SNX29: variants seen among roughly 807,000 people sequenced by gnomAD.
SNX29 encodes the protein sorting nexin 29.
SNX29 carries 78 observed loss-of-function variants against 102.1 expected under a neutral mutation model. The observed-to-expected ratio is 0.76, with a 90% CI of 0.64 to 0.92. SNX29 has a LOEUF of 0.92. Among genes scored for constraint, SNX29 ranks in the 40% least tolerant of loss-of-function variants. The probability of loss-of-function intolerance (pLI) is 0.00; values close to 1 mark genes in which losing one functional copy is unlikely to be tolerated. For missense variants in SNX29, 1,280 were observed against 1,061.7 expected, an observed-to-expected ratio of 1.21 and a Z score of -2.86; for synonymous variants, 580 against 414.5, an observed-to-expected ratio of 1.40 and a Z score of -4.85.
chr16:12,420,321 G>C (rs569265544), intron 18 of SNX29, among the ~76,000 whole-genome samples: 9 of 152,350 alleles, frequency 5.9e-5, no homozygotes, highest in African/African-American at 2.2e-4. Flanking sequence ...CAGAATCGAA[G>C]ACACCGTCAA....
At chr16:12,193,410 A>G (rs1344394544) in intron 13 of SNX29, among the ~76,000 whole-genome samples, 2 of 150,698 alleles carry the variant, frequency 1.3e-5, no homozygotes, top group African/African-American at 4.8e-5. Context: ...TGAAGGTTGT[A>G]GTGAGCCGAG....
chr16:12,565,043 G>A (rs887574257), intron 20 of SNX29, among the ~76,000 whole-genome samples: 1 of 152,128 alleles, frequency 6.6e-6, no homozygotes, highest in East Asian at 1.9e-4. Context: ...CCTGGCACTG[G>A]CTTCATTCCC....
intron 20 of SNX29, among the ~76,000 whole-genome samples, chr16:12,556,132 A>G (rs931729166): frequency 1.2e-4 from 19 of 152,160 alleles, no homozygotes; most frequent in African/African-American, 4.6e-4. Flanking sequence ...ATGTTCTCAA[A>G]GTGATGGTTG....
intron 19 of SNX29, among the ~76,000 whole-genome samples, chr16:12,513,731 T>G (rs1461216688): frequency 1.3e-5 from 2 of 152,176 alleles, no homozygotes; most frequent in Non-Finnish European, 2.9e-5. Flanking sequence ...AATTGTATTA[T>G]TTTCCCCAAA....
intron 15 of SNX29, among the ~76,000 whole-genome samples, chr16:12,298,131 C>G (rs189940104): frequency 1.3e-5 from 2 of 152,318 alleles, no homozygotes; most frequent in African/African-American, 4.8e-5. Flanking sequence ...GATTGTGCCA[C>G]TGCACTCCAG....
chr16:12,109,471 G>C (rs538757208), intron 11 of SNX29, among the ~76,000 whole-genome samples: 1 of 152,176 alleles, frequency 6.6e-6, no homozygotes, highest in Non-Finnish European at 1.5e-5. Flanking sequence ...AAGGCCCCAC[G>C]TCTCAGTACT....
At chr16:12,045,918 C>G (rs2151193032) in intron 5 of SNX29, among the ~76,000 whole-genome samples, 1 of 152,166 alleles carries the variant, frequency 6.6e-6, no homozygotes, top group African/African-American at 2.4e-5. Context: ...GCCACCGTGC[C>G]TGGCCAAGGC....
chr16:12,475,661 A>ATT (rs2087558424), intron 18 of SNX29, among the ~76,000 whole-genome samples: 1 of 152,266 alleles, frequency 6.6e-6, no homozygotes, highest in Non-Finnish European at 1.5e-5. Context: ...CATCTAACAC[A>ATT]AAGCCTATTC....
At chr16:12,545,512 CAGAGTG>C in intron 20 of SNX29, 1 of 152,338 alleles carries the variant, frequency 6.6e-6, no homozygotes, top group Non-Finnish European at 1.5e-5. Context: ...TGTGTCCTGT[CAGAGTG>C]GGTGACCAGG....
intron 18 of SNX29, among the ~76,000 whole-genome samples, chr16:12,461,610 T>G (rs1432435708): frequency 1.3e-5 from 2 of 152,118 alleles, no homozygotes; most frequent in African/African-American, 4.8e-5. Flanking sequence ...GAAAACAATT[T>G]GAAGCATCGC....
chr16:12,324,522 C>T (rs187346368), intron 15 of SNX29, among the ~76,000 whole-genome samples: 1 of 152,110 alleles, frequency 6.6e-6, no homozygotes, highest in African/African-American at 2.4e-5. Context: ...GATCCTCTGC[C>T]TCAGCCTCCC....
Position 12,572,663 on chromosome 16 carries a change from G to T in SNX29, c.*4034G>T. 9.4e-7 allele frequency: 1 copy of T among 1,063,842 alleles called. No individual in the cohort carries two copies. The highest frequency in any genetic ancestry group is 1.1e-6 in the Non-Finnish European group (1 of 878,356). 65.9% of individuals were successfully genotyped at this position (1,063,842 alleles called of 1,614,324 possible). A position where few individuals can be genotyped will look rare whatever the true frequency, so the allele number is the denominator to read the frequency against. On this transcript the variant is annotated 3_prime_UTR_variant, in exon 21 of 21. Coordinates refer to ENST00000566228, the MANE Select transcript of SNX29 (RefSeq NM_032167.5). ...CCTCCACCAAGCTCCTGTGTGAGCT[G>T]CAGCACCCACACGGGGGAAGCCCTG...
chr16:12,134,420 G>T (rs2054585530), intron 13 of SNX29, among the ~76,000 whole-genome samples: 1 of 152,226 alleles, frequency 6.6e-6, no homozygotes, highest in Non-Finnish European at 1.5e-5. Flanking sequence ...GGCCAGAGTT[G>T]CTGTCATCTG....
chr16:12,020,612 A>G (rs1460170030), intron 3 of SNX29, among the ~76,000 whole-genome samples: 1 of 151,124 alleles, frequency 6.6e-6, no homozygotes, highest in African/African-American at 2.4e-5. Flanking sequence ...AAACATAAAT[A>G]TAGCTCATGG....
At chr16:12,481,115 TC>T (rs1480848506) in intron 19 of SNX29, among the ~76,000 whole-genome samples, 1 of 151,980 alleles carries the variant, frequency 6.6e-6, no homozygotes, top group Non-Finnish European at 1.5e-5. Flanking sequence ...TGTGCTTTTA[TC>T]CCCCCAACAT....
intron 15 of SNX29, among the ~76,000 whole-genome samples, chr16:12,290,647 T>C (rs2079762978): frequency 6.6e-6 from 1 of 152,224 alleles, no homozygotes; most frequent in Admixed American, 6.5e-5. Flanking sequence ...CTGTGTGATT[T>C]ATCAAGGTCT....
chr16:12,386,901 G>A (rs2083361597), intron 16 of SNX29, among the ~76,000 whole-genome samples: 1 of 151,804 alleles, frequency 6.6e-6, no homozygotes, highest in African/African-American at 2.4e-5. Flanking sequence ...AAGGCGGGTG[G>A]ATCACTTGAG....
intron 14 of SNX29, among the ~76,000 whole-genome samples, chr16:12,241,542 C>T (rs1033726986): frequency 6.6e-6 from 1 of 152,092 alleles, no homozygotes; most frequent in African/African-American, 2.4e-5. Context: ...TCACTGCAAC[C>T]TCCACCTCCT....
At chr16:12,398,649 G>C in intron 17 of SNX29, 148 bp downstream of exon 17, 2 of 834,978 alleles carry the variant, frequency 2.4e-6, no homozygotes, top group South Asian at 3.2e-5. Flanking sequence ...GGTAGGAGTC[G>C]CTCTCCTACA....
Sources: allele counts gnomAD v4.1 joint callset (sites outside exome capture counted in the v4.1 genomes callset), GRCh38; gene constraint gnomAD v4.1.1; transcripts MANE v1.5; gene names NCBI Gene and HGNC (gene_info 2026-07-23, HGNC 2026-07-21).